Variants in ULK4 observed in about 807,000 individuals in gnomAD.
ULK4 encodes the protein inactive serine/threonine-protein kinase ULK4.
Under a neutral mutation model 160.6 loss-of-function variants are expected in ULK4, and 133 were observed. That is an observed-to-expected ratio of 0.83 (90% CI 0.72 to 0.96). The LOEUF (loss-of-function observed/expected upper bound fraction) is 0.96, where lower values mean the gene tolerates loss of function less well. Ranked by LOEUF, ULK4 falls within the 40% of genes least tolerant of loss-of-function variation. ULK4 has a pLI of 0.00. For missense variants in ULK4, 1,580 were observed against 1,499.5 expected (o/e 1.05, Z -0.89); for synonymous variants, 534 against 539.8 (o/e 0.99, Z 0.15).
At chr3:41,541,245 T>C (rs1005439768) in intron 32 of ULK4, among the ~76,000 whole-genome samples, 1 of 152,208 alleles carries the variant, frequency 6.6e-6, no homozygotes, top group East Asian at 1.9e-4. Context: ...TTTCTGCATA[T>C]GGCCAGCCAG....
chr3:41,551,006 A>C (rs1795365), intron 32 of ULK4, among the ~76,000 whole-genome samples: 77,423 of 151,656 alleles, frequency 0.51, 19,875 homozygotes, highest in Middle Eastern at 0.57. Flanking sequence ...AAATACATGG[A>C]AACAAATTTG....
intron 35 of ULK4, among the ~76,000 whole-genome samples, chr3:41,387,559 T>C (rs1233758567): frequency 6.6e-6 from 1 of 152,156 alleles, no homozygotes; most frequent in African/African-American, 2.4e-5. Flanking sequence ...GTGTGTGATG[T>C]TCCCCTTCCT....
chr3:41,484,207 T>C (rs1337723930), intron 32 of ULK4, among the ~76,000 whole-genome samples: 1 of 152,180 alleles, frequency 6.6e-6, no homozygotes, highest in Non-Finnish European at 1.5e-5. Flanking sequence ...TTGATACTGA[T>C]AATATCAATA....
chr3:41,303,203 G>A (rs1162850688), intron 35 of ULK4, among the ~76,000 whole-genome samples: 1 of 152,078 alleles, frequency 6.6e-6, no homozygotes, highest in East Asian at 1.9e-4. Flanking sequence ...TGGACAAAAA[G>A]GTTTTCCTAT....
At chr3:41,793,547 C>T (rs2040211686) in intron 20 of ULK4, among the ~76,000 whole-genome samples, 1 of 152,110 alleles carries the variant, frequency 6.6e-6, no homozygotes, top group African/African-American at 2.4e-5. Context: ...AGAATAGGGG[C>T]AGGGGGTGGA....
At chr3:41,574,815 G>C (rs756989927) in intron 31 of ULK4, among the ~76,000 whole-genome samples, 272 of 152,208 alleles carry the variant, frequency 1.8e-3, no homozygotes, top group Non-Finnish European at 6.3e-4. Context: ...CAAAGTGCTG[G>C]GATTACAGGC....
At chr3:41,909,638 C>G (rs1284343994) in intron 11 of ULK4, among the ~76,000 whole-genome samples, 1 of 151,040 alleles carries the variant, frequency 6.6e-6, no homozygotes, top group Non-Finnish European at 1.5e-5. Flanking sequence ...TCGCTTGAAC[C>G]AGGGAGGTGG....
At chr3:41,635,596 T>G (rs1044059662) in intron 30 of ULK4, among the ~76,000 whole-genome samples, 8 of 152,298 alleles carry the variant, frequency 5.3e-5, no homozygotes, top group African/African-American at 1.7e-4. Context: ...ACCCAATCTC[T>G]AAAATAATAG....
intron 17 of ULK4, among the ~76,000 whole-genome samples, chr3:41,843,665 C>T (rs566967376): frequency 6.6e-6 from 1 of 152,238 alleles, no homozygotes; most frequent in East Asian, 1.9e-4. Flanking sequence ...CTCATAAAGG[C>T]AGTGTGGACC....
intron 16 of ULK4, among the ~76,000 whole-genome samples, chr3:41,889,806 T>C (rs1400705711): frequency 6.6e-6 from 1 of 152,222 alleles, no homozygotes; most frequent in Non-Finnish European, 1.5e-5. Context: ...CAAAACCTTG[T>C]AGACAAATGT....
intron 21 of ULK4, among the ~76,000 whole-genome samples, chr3:41,765,395 C>A (rs1468084538): frequency 6.6e-6 from 1 of 152,038 alleles, no homozygotes; most frequent in South Asian, 2.1e-4. Context: ...ACATCACACA[C>A]CGGGGCCTGT....
chr3:41,883,890 T>C lies in ULK4; in HGVS notation c.1640A>G (p.Asn547Ser), dbSNP rs753449489. Reference sequence around the variant, plus strand: ...AGACATTACCTCAACAACAGGTGTATTTTCCTGGAGCTCAGCTGTGTGCGA... The same window carrying C: ...AGACATTACCTCAACAACAGGTGTACTTTCCTGGAGCTCAGCTGTGTGCGA... ...LASHTAELQE[N>S]TPVVEAIVLL... Residue 547 changes from asparagine (N) to serine (S), a missense_variant, in exon 17 of 37, where the codon AAT becomes AGT. Physicochemically the swap from Asn to Ser is conservative, Grantham distance 46 (BLOSUM62 1). Coordinates refer to ENST00000301831, the MANE Select transcript of ULK4 (RefSeq NM_017886.4). 5 of 1,608,236 alleles carry C rather than the reference T, an allele frequency of 3.1e-6. No homozygotes were observed. Among genetic ancestry groups the C allele is most frequent in the South Asian group, 1.1e-5 (1 of 90,936 alleles).
chr3:41,279,857 T>C (rs1240697625), intron 35 of ULK4, among the ~76,000 whole-genome samples: 1 of 152,092 alleles, frequency 6.6e-6, no homozygotes, highest in Non-Finnish European at 1.5e-5. Flanking sequence ...GCAAATTGGA[T>C]AGAGTCAAGA....
chr3:41,572,661 GA>G (rs2088021767), intron 31 of ULK4, among the ~76,000 whole-genome samples: 2 of 151,662 alleles, frequency 1.3e-5, no homozygotes, highest in South Asian at 2.1e-4. Context: ...AGCTACTGAG[GA>G]GGCTGAGGCA....
At chr3:41,782,098 C>T (rs1323386280) in intron 21 of ULK4, among the ~76,000 whole-genome samples, 7 of 151,666 alleles carry the variant, frequency 4.6e-5, no homozygotes, top group Non-Finnish European at 1.0e-4. Flanking sequence ...GGGGCTGCCT[C>T]GCCATTATTC....
intron 31 of ULK4, among the ~76,000 whole-genome samples, chr3:41,571,143 T>G (rs569339188): frequency 1.5e-4 from 23 of 152,352 alleles, no homozygotes; most frequent in African/African-American, 5.3e-4. Context: ...AGTGAGGGCT[T>G]TATAAAAATT....
At chr3:41,466,300 G>C (rs9870995) in intron 32 of ULK4, among the ~76,000 whole-genome samples, 50,858 of 151,942 alleles carry the variant, frequency 0.33, 8,770 homozygotes, top group South Asian at 0.38. Flanking sequence ...CACTGATTCA[G>C]TAAACGGAGA....
chr3:41,483,184 G>A (rs2084388520), intron 32 of ULK4, among the ~76,000 whole-genome samples: 1 of 151,952 alleles, frequency 6.6e-6, no homozygotes, highest in Non-Finnish European at 1.5e-5. Flanking sequence ...CCCAGTCTCT[G>A]GGAATAAGAT....
intron 5 of ULK4, among the ~76,000 whole-genome samples, chr3:41,920,448 CA>C (rs1699145145): frequency 6.6e-6 from 1 of 152,110 alleles, no homozygotes; most frequent in Non-Finnish European, 1.5e-5. Flanking sequence ...ATACTTTATA[CA>C]AAGTTTAATA....
Sources: gnomAD v4.1 joint callset for allele counts (sites outside exome capture counted in the v4.1 genomes callset) on GRCh38, gnomAD v4.1.1 for gene constraint, MANE v1.5 for transcripts, NCBI Gene and HGNC (gene_info 2026-07-23, HGNC 2026-07-21) for gene names.